Variants in ZRANB1 observed in about 807,000 individuals in gnomAD.
ZRANB1 encodes the protein zinc finger RANBP2-type containing 1, also known as ubiquitin thioesterase ZRANB1.
A neutral mutation model predicts 80.5 loss-of-function variants in ZRANB1; 16 were observed. The ratio of observed to expected loss-of-function variants is 0.20; its 90% confidence interval spans 0.13 to 0.30. The LOEUF is 0.30. Ranked by LOEUF, ZRANB1 falls within the 10% of genes least tolerant of loss-of-function variation. ZRANB1 has a pLI of 1.00. For missense variants in ZRANB1, 576 were observed against 862.6 expected (o/e 0.67, Z 4.16); for synonymous variants, 291 against 293.1 (o/e 0.99, Z 0.07).
At chr10:124,950,716 C>A (rs528696779) in intron 1 of ZRANB1, among the ~76,000 whole-genome samples, 1 of 152,188 alleles carries the variant, frequency 6.6e-6, no homozygotes, top group African/African-American at 2.4e-5. Flanking sequence ...GTGGCTCAGT[C>A]CTGTAATCCC....
upstream of ZRANB1, among the ~76,000 whole-genome samples, chr10:124,939,224 G>A (rs1341169034): frequency 6.7e-6 from 1 of 149,204 alleles, no homozygotes; most frequent in East Asian, 2.0e-4. Context: ...TTGTAGTGAT[G>A]GAGTCTTGCT....
At chr10:124,959,118 C>CA (rs1951709778) in intron 1 of ZRANB1, among the ~76,000 whole-genome samples, 1 of 152,156 alleles carries the variant, frequency 6.6e-6, no homozygotes, top group Non-Finnish European at 1.5e-5. Flanking sequence ...TAGAATTTAG[C>CA]AAGCCAGGAT....
chr10:124,969,284 G>A (rs1275532759), intron 2 of ZRANB1, among the ~76,000 whole-genome samples: 2 of 152,182 alleles, frequency 1.3e-5, no homozygotes, highest in East Asian at 1.9e-4. Flanking sequence ...GAACAACCCT[G>A]GAACAGCGTG....
chr10:124,963,705 G>A (rs1350637702), intron 1 of ZRANB1, among the ~76,000 whole-genome samples: 2 of 151,898 alleles, frequency 1.3e-5, no homozygotes, highest in Non-Finnish European at 2.9e-5. Flanking sequence ...ACAAAAACGT[G>A]TCTATGAAGT....
At chr10:124,933,372 C>T in the ZRANB1 span, among the ~76,000 whole-genome samples, 6 of 151,826 alleles carry the variant, frequency 4.0e-5, no homozygotes, top group Admixed American at 2.6e-4. Context: ...CTCCTGACCT[C>T]GTGATCCACC....
At chr10:124,924,677 T>C in the ZRANB1 span, among the ~76,000 whole-genome samples, 1 of 152,224 alleles carries the variant, frequency 6.6e-6, no homozygotes, top group Admixed American at 6.5e-5. Flanking sequence ...TGATACTCCA[T>C]TGTATAAACA....
chr10:124,961,659 G>A (rs867113421), intron 1 of ZRANB1, among the ~76,000 whole-genome samples: 21 of 152,196 alleles, frequency 1.4e-4, no homozygotes, highest in African/African-American at 5.1e-4. Flanking sequence ...GACTATATTT[G>A]ACATAGTTTG....
intron 1 of ZRANB1, among the ~76,000 whole-genome samples, chr10:124,951,093 A>T (rs1360096692): frequency 6.6e-6 from 1 of 152,108 alleles, no homozygotes; most frequent in Non-Finnish European, 1.5e-5. Flanking sequence ...TATTCTTTTC[A>T]ATTTGTTTTG....
At position 124,960,846 on chromosome 10, in the gene ZRANB1, T is replaced by G. The variant is rs1163545611; in HGVS notation, c.815-5748T>G. Among the ~76,000 whole-genome samples, 5 of 152,344 alleles carry G rather than the reference T, an allele frequency of 3.3e-5. No homozygotes were observed. In the East Asian group the frequency reaches 9.6e-4, roughly 29 times the overall value. On this transcript the variant is annotated intron_variant, in intron 1 of 8. Transcript: ENST00000359653. ...TAAAAATCTAAAATTTAGTTTCAAATTCAGCCAGGGTAACTTGGCAGTGTG... is the reference window on the plus strand; with the variant it reads ...TAAAAATCTAAAATTTAGTTTCAAAGTCAGCCAGGGTAACTTGGCAGTGTG...
At chr10:124,954,865 C>G (rs560038029) in intron 1 of ZRANB1, among the ~76,000 whole-genome samples, 1 of 151,752 alleles carries the variant, frequency 6.6e-6, no homozygotes, top group African/African-American at 2.4e-5. Context: ...CACGGTTTCT[C>G]ACGCCTGTAA....
chr10:124,954,265 C>T (rs551827541), intron 1 of ZRANB1, among the ~76,000 whole-genome samples: 3 of 146,468 alleles, frequency 2.0e-5, no homozygotes, highest in African/African-American at 5.1e-5. Context: ...GGATTACAGG[C>T]GTGAGCCACG....
chr10:124,972,144 G>T (rs759895110), intron 3 of ZRANB1, 26 bp downstream of exon 3: 7 of 1,600,188 alleles, frequency 4.4e-6, no homozygotes, highest in East Asian at 4.5e-5. Context: ...AACGTAAAAA[G>T]ACTTTTTTAT....
At position 124,978,493 on chromosome 10, in the gene ZRANB1, G is replaced by A. The variant is rs79915681; in HGVS notation, c.1428-3216G>A. On this transcript the variant is annotated intron_variant, in intron 5 of 8. Transcript: ENST00000359653. ...GTTCTCTTGGATACCCGTGATTTTA[G>A]CTGACTCAGGTTCTCAAGTCTGAAT... Among the ~76,000 whole-genome samples, 1,089 of 152,296 alleles carry A rather than the reference G, an allele frequency of 7.2e-3. 17 individuals carry two copies. The highest frequency in any genetic ancestry group is 0.025 in the African/African-American group (1,032 of 41,564).
Position 124,966,789 on chromosome 10 carries a change from T to A in ZRANB1, c.1002+8T>A, listed in dbSNP as rs1951780676. The A allele has an allele frequency of 6.2e-7, 1 of 1,604,772 alleles. No individual in the cohort carries two copies. Among genetic ancestry groups the A allele is most frequent in the Non-Finnish European group, 8.5e-7 (1 of 1,173,114 alleles). Reference sequence around the variant, plus strand: ...GCAATATTGCTTACAGAGGTAAGTTTGGCGTTTTGGTTAAATGTTCTTTTA... The same window carrying A: ...GCAATATTGCTTACAGAGGTAAGTTAGGCGTTTTGGTTAAATGTTCTTTTA... On this transcript the variant is annotated splice_region_variant and intron_variant, in intron 2 of 8. Transcript: ENST00000359653.
the ZRANB1 span, among the ~76,000 whole-genome samples, chr10:124,918,089 A>C: frequency 6.6e-6 from 1 of 152,194 alleles, no homozygotes; most frequent in Non-Finnish European, 1.5e-5. Context: ...CTATCGATTT[A>C]AGCGCCGCCC....
At chr10:124,919,919 C>A in the ZRANB1 span, among the ~76,000 whole-genome samples, 5 of 120,808 alleles carry the variant, frequency 4.1e-5, no homozygotes, top group East Asian at 5.7e-4. Context: ...CCCCCCCCCC[C>A]CCTTTTTTTT....
Position 124,942,158 on chromosome 10 carries a change from T to C in ZRANB1, c.-336T>C. On this transcript the variant is annotated 5_prime_UTR_variant, in exon 1 of 9. Transcript: ENST00000359653. The stretch of plus-strand genomic sequence containing the variant: ...CCCTGAAATTAAACATTTCTATTAG[T>C]GGCTTCCCGTTAATCTCATCCTTCT... 1 of 1,081,466 alleles carries C rather than the reference T, an allele frequency of 9.2e-7. No homozygotes were observed. Among genetic ancestry groups the C allele is most frequent in the Non-Finnish European group, 1.1e-6 (1 of 890,364 alleles). 67.0% of individuals were successfully genotyped at this position (1,081,466 alleles called of 1,614,324 possible). A position where few individuals can be genotyped will look rare whatever the true frequency, so the allele number is the denominator to read the frequency against.
At chr10:124,938,626 A>G (rs1359424463), upstream of ZRANB1, among the ~76,000 whole-genome samples, 4 of 152,112 alleles carry the variant, frequency 2.6e-5, no homozygotes, top group Non-Finnish European at 4.4e-5. Flanking sequence ...CCACTCTTCA[A>G]TGAATTTTAC....
At chr10:124,929,856 G>T in the ZRANB1 span, among the ~76,000 whole-genome samples, 20,547 of 148,936 alleles carry the variant, frequency 0.14, 1,613 homozygotes, top group African/African-American at 0.21. Flanking sequence ...TGAGGCAGGA[G>T]AATCACTTGA....
Sources: allele counts gnomAD v4.1 joint callset (sites outside exome capture counted in the v4.1 genomes callset), GRCh38; gene constraint gnomAD v4.1.1; transcripts MANE v1.5; gene names NCBI Gene and HGNC (gene_info 2026-07-23, HGNC 2026-07-21).